Variants in RAPGEF5 observed in about 807,000 individuals in gnomAD.
RAPGEF5 encodes M-Ras-regulated GEF.
A neutral mutation model predicts 125.2 loss-of-function variants in RAPGEF5; 65 were observed. The observed-to-expected ratio is 0.52, with a 90% CI of 0.43 to 0.64. The LOEUF (loss-of-function observed/expected upper bound fraction) is 0.64, where lower values mean the gene tolerates loss of function less well. RAPGEF5 is among the 30% of genes least tolerant of loss of function. The probability of loss-of-function intolerance (pLI) is 0.00; values close to 1 mark genes in which losing one functional copy is unlikely to be tolerated. For missense variants in RAPGEF5, 958 were observed against 1,048.1 expected (o/e 0.91, Z 1.19); for synonymous variants, 391 against 385.9 (o/e 1.01, Z -0.16).
Position 22,153,734 on chromosome 7 carries a change from G to A in RAPGEF5, c.1786+721C>T, listed in dbSNP as rs117827466. ...CACATTTTTCAACTACTGATGCTAAGTCACTTTCTTTGTATTTTTTTCTCA... is the reference window on the plus strand; with the variant it reads ...CACATTTTTCAACTACTGATGCTAAATCACTTTCTTTGTATTTTTTTCTCA... On this transcript the variant is annotated intron_variant, in intron 17 of 25. Transcript: ENST00000665637. Among the ~76,000 whole-genome samples the A allele has an allele frequency of 9.0e-3, 1,373 of 152,242 alleles. 10 individuals are homozygous for A. The highest frequency in any genetic ancestry group is 0.02 in the Middle Eastern group (6 of 294).
intron 11 of RAPGEF5, among the ~76,000 whole-genome samples, chr7:22,169,038 A>G (rs768481945): frequency 6.6e-6 from 1 of 152,210 alleles, no homozygotes; most frequent in African/African-American, 2.4e-5. Context: ...TATGTTAGCA[A>G]TCAGTAGTCT....
intron 13 of RAPGEF5, 37 bp downstream of exon 13, chr7:22,162,360 A>G: frequency 6.6e-7 from 1 of 1,520,744 alleles, no homozygotes; most frequent in African/African-American, 1.4e-5. Flanking sequence ...AGAATCAGTT[A>G]TTTGGCATCA....
intron 6 of RAPGEF5, among the ~76,000 whole-genome samples, chr7:22,271,197 T>C (rs1274031084): frequency 6.6e-6 from 1 of 152,202 alleles, no homozygotes; most frequent in Non-Finnish European, 1.5e-5. Context: ...AAAATACTGA[T>C]ATTTAGGCCC....
intron 7 of RAPGEF5, among the ~76,000 whole-genome samples, chr7:22,242,717 C>T (rs757626933): frequency 5.3e-5 from 8 of 151,972 alleles, no homozygotes; most frequent in South Asian, 2.1e-4. Context: ...TTTGGGAGGC[C>T]GAGGCAGGCG....
intron 1 of RAPGEF5, among the ~76,000 whole-genome samples, chr7:22,321,888 C>CT (rs1783720787): frequency 6.6e-6 from 1 of 152,154 alleles, no homozygotes; most frequent in African/African-American, 2.4e-5. Flanking sequence ...CAAGAAGAAC[C>CT]TGTGGGCCCT....
intron 5 of RAPGEF5, among the ~76,000 whole-genome samples, chr7:22,294,358 A>G (rs1269021312): frequency 3.9e-5 from 6 of 152,138 alleles, no homozygotes; most frequent in East Asian, 1.9e-4. Context: ...CTGCTTACCA[A>G]TGCCCCAAGC....
At chr7:22,269,856 G>C (rs1330700907) in intron 6 of RAPGEF5, among the ~76,000 whole-genome samples, 1 of 152,162 alleles carries the variant, frequency 6.6e-6, no homozygotes, top group Non-Finnish European at 1.5e-5. Flanking sequence ...CCCTGAGCAG[G>C]AACTACCTAG....
In RAPGEF5 at chr7:22,141,817, C is replaced by T. The variant is rs77632718; in HGVS notation, c.2187-1702G>A. 9.1e-3 allele frequency among the ~76,000 whole-genome samples: 1,390 copies of T among 152,298 alleles called. 22 individuals carry two copies. The highest frequency in any genetic ancestry group is 0.032 in the African/African-American group (1,319 of 41,556). On this transcript the variant is annotated intron_variant, in intron 20 of 25. Coordinates refer to ENST00000665637, the MANE Select transcript of RAPGEF5 (RefSeq NM_012294.5). ...GTACCTTCATCCAAGTGACCCCTTACGTGGTTTTTTGCCAACTTTCTCCTG... is the reference window on the plus strand; with the variant it reads ...GTACCTTCATCCAAGTGACCCCTTATGTGGTTTTTTGCCAACTTTCTCCTG...
At chr7:22,246,245 TAA>T (rs879623610) in intron 7 of RAPGEF5, among the ~76,000 whole-genome samples, 2 of 151,994 alleles carry the variant, frequency 1.3e-5, no homozygotes, top group African/African-American at 2.4e-5. Flanking sequence ...TCATATGGAA[TAA>T]AAAAAGAGCC....
intron 5 of RAPGEF5, among the ~76,000 whole-genome samples, chr7:22,302,957 T>C (rs1461664441): frequency 1.3e-5 from 2 of 152,122 alleles, no homozygotes; most frequent in East Asian, 3.9e-4. Flanking sequence ...GTGTAAGTGG[T>C]AGGATACAGT....
intron 1 of RAPGEF5, among the ~76,000 whole-genome samples, chr7:22,345,696 CTTTT>C (rs60654602): frequency 1.9e-5 from 2 of 106,674 alleles, no homozygotes; most frequent in African/African-American, 3.8e-5. Context: ...GTCTAGGCAG[CTTTT>C]TTTTTTTTTT....
chr7:22,291,084 T>G, intron 6 of RAPGEF5, 91 bp downstream of exon 6: 1 of 1,378,302 alleles, frequency 7.3e-7, no homozygotes, highest in Non-Finnish European at 9.6e-7. Context: ...AGGGAAAATG[T>G]CTCTCTACAC....
chr7:22,194,551 G>GAA, intron 9 of RAPGEF5: 7 of 879,934 alleles, frequency 8.0e-6, no homozygotes, highest in South Asian at 5.1e-5. Flanking sequence ...AAGGCGGCAA[G>GAA]AAAAAAAAAA....
intron 9 of RAPGEF5, among the ~76,000 whole-genome samples, chr7:22,207,851 G>A (rs2128129793): frequency 6.6e-6 from 1 of 152,256 alleles, no homozygotes; most frequent in African/African-American, 2.4e-5. Context: ...TATAATCTTT[G>A]TCATTTATGA....
rs548347836 is a variant in RAPGEF5 at position 22,282,108 on chromosome 7, TC to T, written c.747+9066del. Among the ~76,000 whole-genome samples, 138 of 152,212 alleles carry T rather than the reference TC, an allele frequency of 9.1e-4. 1 individual carries two copies. Among genetic ancestry groups the T allele is most frequent in the African/African-American group, 3.2e-3 (131 of 41,538 alleles). On this transcript the variant is annotated intron_variant, in intron 6 of 25. Transcript: ENST00000665637. ...ATATTCAACATATCATTCAAGCCAT[TC>T]CCCCCTCTCCAGCGGACCTATTTTA...
At chr7:22,123,577 A>G (rs1270788723) in intron 25 of RAPGEF5, among the ~76,000 whole-genome samples, 1 of 152,144 alleles carries the variant, frequency 6.6e-6, no homozygotes, top group African/African-American at 2.4e-5. Flanking sequence ...TTTCTCCTCT[A>G]TAACAAATGT....
At chr7:22,330,326 T>G (rs993953702) in intron 1 of RAPGEF5, among the ~76,000 whole-genome samples, 2 of 152,202 alleles carry the variant, frequency 1.3e-5, no homozygotes, top group Non-Finnish European at 2.9e-5. Flanking sequence ...TGAAGTCCAT[T>G]TGGCTTTCTG....
At chr7:22,211,253 T>C (rs965171988) in intron 9 of RAPGEF5, among the ~76,000 whole-genome samples, 5 of 152,222 alleles carry the variant, frequency 3.3e-5, no homozygotes, top group African/African-American at 1.2e-4. Flanking sequence ...TCCTCATCTT[T>C]AGCAACCAAA....
In RAPGEF5 at chr7:22,211,931, C is replaced by A. The variant is rs141301626; in HGVS notation, c.996+7935G>T. Among the ~76,000 whole-genome samples, 520 of 150,844 alleles carry A rather than the reference C, an allele frequency of 3.4e-3. 3 individuals are homozygous for A. The highest frequency in any genetic ancestry group is 0.012 in the African/African-American group (498 of 41,028). ...GTTTCTAAAGCTGCTCTCTTCTCCA[C>A]ATCAGGCCCCTTGTGTTATCACATG... is the stretch of plus-strand genomic sequence containing the variant. On this transcript the variant is annotated intron_variant, in intron 9 of 25. Coordinates refer to ENST00000665637, the MANE Select transcript of RAPGEF5 (RefSeq NM_012294.5).
Sources: allele counts gnomAD v4.1 joint callset (sites outside exome capture counted in the v4.1 genomes callset), GRCh38; gene constraint gnomAD v4.1.1; transcripts MANE v1.5; gene names NCBI Gene and HGNC (gene_info 2026-07-23, HGNC 2026-07-21).